Variants in SMARCA2 observed in about 807,000 individuals in gnomAD.
SMARCA2 encodes SWI/SNF related BAF chromatin remodeling complex subunit ATPase 2, also known as SWI/SNF-related matrix-associated actin-dependent regulator of chromatin subfamily A member 2.
Under a neutral mutation model 199.8 loss-of-function variants are expected in SMARCA2, and 61 were observed. That is an observed-to-expected ratio of 0.31 (90% CI 0.25 to 0.38). SMARCA2 has a LOEUF of 0.38. Among genes scored for constraint, SMARCA2 ranks in the 10% least tolerant of loss-of-function variants. The probability of loss-of-function intolerance (pLI) is 1.00; values close to 1 mark genes in which losing one functional copy is unlikely to be tolerated. For synonymous variants in SMARCA2, 935 were observed against 732.0 expected (o/e 1.28, Z -4.48); for missense variants, 1,344 against 2,012.2 (o/e 0.67, Z 6.35).
chr9:2,154,476 T>C lies in SMARCA2; in HGVS notation c.3982-7210T>C, dbSNP rs111357075. On this transcript the variant is annotated intron_variant, in intron 27 of 33. Coordinates refer to ENST00000349721, the MANE Select transcript of SMARCA2 (RefSeq NM_003070.5). ...GGCTGTTAATGGACATTCTTTGCAT[T>C]GGACTCAAGCAGAACAACTACCTCA... is the stretch of plus-strand genomic sequence containing the variant. Among the ~76,000 whole-genome samples the C allele has an allele frequency of 9.4e-4, 143 of 152,318 alleles. 1 individual carries two copies. The highest frequency in any genetic ancestry group is 3.0e-3 in the African/African-American group (125 of 41,574).
At chr9:2,166,688 T>C (rs1049599990) in intron 28 of SMARCA2, among the ~76,000 whole-genome samples, 1 of 152,210 alleles carries the variant, frequency 6.6e-6, no homozygotes, top group Non-Finnish European at 1.5e-5. Context: ...CTTAGAAACT[T>C]AGACAAAGGA....
At chr9:2,048,055 A>C (rs569842943) in intron 5 of SMARCA2, 27 of 152,266 alleles carry the variant, frequency 1.8e-4, no homozygotes, top group African/African-American at 6.5e-4. Flanking sequence ...TCAATGTTTT[A>C]TGCACTCTGG....
chr9:2,155,657 A>G (rs55649700), intron 27 of SMARCA2, among the ~76,000 whole-genome samples: 3,119 of 144,472 alleles, frequency 0.022, 107 homozygotes, highest in African/African-American at 0.076. Flanking sequence ...TGTAAGCCGT[A>G]GCTCCCCTTT....
chr9:2,192,650 T>C, intron 33 of SMARCA2, 54 bp from the exon 34 acceptor site: 1 of 1,250,486 alleles, frequency 8.0e-7, no homozygotes, highest in Non-Finnish European at 1.2e-6. Context: ...TGTTATATCT[T>C]CTTTTTCTTG....
chr9:2,080,758 G>A (rs1013233759), intron 14 of SMARCA2, among the ~76,000 whole-genome samples: 1 of 152,162 alleles, frequency 6.6e-6, no homozygotes. Flanking sequence ...AACCAATGCG[G>A]TGTCTCCCTA....
intron 10 of SMARCA2, among the ~76,000 whole-genome samples, chr9:2,071,592 T>G (rs749059408): frequency 6.6e-6 from 1 of 152,230 alleles, no homozygotes; most frequent in Non-Finnish European, 1.5e-5. Context: ...ATCTTTTTTT[T>G]CTTTTAATCT....
chr9:2,118,716 C>G (rs1823324480), intron 25 of SMARCA2, among the ~76,000 whole-genome samples: 1 of 152,142 alleles, frequency 6.6e-6, no homozygotes. Flanking sequence ...CTGTTGGTTT[C>G]TGAGGAATTA....
At chr9:2,187,286 C>G (rs1204434973) in intron 32 of SMARCA2, among the ~76,000 whole-genome samples, 2 of 152,070 alleles carry the variant, frequency 1.3e-5, no homozygotes, top group African/African-American at 4.8e-5. Flanking sequence ...AAATTTTACA[C>G]CCAAGGTGCG....
Position 2,039,882 on chromosome 9 carries a change from AACT to A in SMARCA2, c.775_777del (p.Tyr259del). On this transcript the variant is annotated inframe_deletion, in exon 4 of 34. Coordinates refer to ENST00000349721, the MANE Select transcript of SMARCA2 (RefSeq NM_003070.5). The surrounding 1 kb of genome is among the most constrained non-coding windows in gnomAD (Gnocchi z 4.8). The stretch of plus-strand genomic sequence containing the variant: ...GCAACAACAGCAGCCGGCCCTTGTT[AACT>A]ACAACAGACCATCTGGTAGGTTAAT... 6.2e-7 allele frequency: 1 copy of A among 1,613,920 alleles called. No homozygotes were observed. Among genetic ancestry groups the A allele is most frequent in the Non-Finnish European group, 8.5e-7 (1 of 1,179,992 alleles).
At chr9:2,038,529 T>C (rs1168389363) in intron 3 of SMARCA2, among the ~76,000 whole-genome samples, 1 of 152,182 alleles carries the variant, frequency 6.6e-6, no homozygotes, top group Non-Finnish European at 1.5e-5. Flanking sequence ...TGACTGCTGA[T>C]TGCAGGAGTA....
At chr9:2,191,551 G>A in intron 33 of SMARCA2, 143 bp downstream of exon 33, 2 of 853,532 alleles carry the variant, frequency 2.3e-6, no homozygotes, top group South Asian at 1.7e-5. Context: ...CATTATTGAG[G>A]GATGTGAACG....
intron 1 of SMARCA2, among the ~76,000 whole-genome samples, chr9:2,028,623 G>A (rs560444096): frequency 3.9e-5 from 6 of 152,322 alleles, no homozygotes; most frequent in African/African-American, 1.2e-4. Context: ...TTAATGTCTT[G>A]TAAGGTGTCC....
chr9:2,174,732 G>A (rs965422531), intron 29 of SMARCA2, among the ~76,000 whole-genome samples: 7 of 151,844 alleles, frequency 4.6e-5, no homozygotes, highest in Non-Finnish European at 1.0e-4. Context: ...ACCACCCGAG[G>A]CAAGATGGTG....
intron 27 of SMARCA2, among the ~76,000 whole-genome samples, chr9:2,154,133 C>G (rs1281725306): frequency 6.6e-6 from 1 of 152,176 alleles, no homozygotes; most frequent in Non-Finnish European, 1.5e-5. Context: ...GCCTCAGTTT[C>G]CTCATCTGCA....
intron 33 of SMARCA2, chr9:2,191,921 C>G (rs1316134226): frequency 1.3e-5 from 2 of 153,330 alleles, no homozygotes; most frequent in South Asian, 2.1e-4. Flanking sequence ...TTGAGCCAGG[C>G]CTTGTAATAG....
At chr9:2,098,846 C>G (rs1822383056) in intron 21 of SMARCA2, among the ~76,000 whole-genome samples, 1 of 151,624 alleles carries the variant, frequency 6.6e-6, no homozygotes, top group African/African-American at 2.4e-5. Flanking sequence ...ATTCAGGAGG[C>G]TTAGGAAAGA....
At chr9:2,138,163 A>G (rs1275198014) in intron 27 of SMARCA2, among the ~76,000 whole-genome samples, 1 of 139,274 alleles carries the variant, frequency 7.2e-6, no homozygotes, top group East Asian at 2.1e-4. Context: ...TAATTTCTTC[A>G]GCAAAAAACA....
At chr9:2,099,268 A>C (rs1822404088) in intron 21 of SMARCA2, among the ~76,000 whole-genome samples, 1 of 152,072 alleles carries the variant, frequency 6.6e-6, no homozygotes, top group Non-Finnish European at 1.5e-5. Flanking sequence ...TAATGATGAA[A>C]CTGTCTGGGA....
intron 30 of SMARCA2, 92 bp from the exon 31 acceptor site, chr9:2,182,049 C>A: frequency 2.3e-6 from 2 of 881,708 alleles, no homozygotes; most frequent in South Asian, 1.3e-5. Flanking sequence ...GCTGTGAAGA[C>A]AAAGGGAAAA....
Sources: gnomAD v4.1 joint callset for allele counts (sites outside exome capture counted in the v4.1 genomes callset) on GRCh38, gnomAD v4.1.1 for gene constraint, Gnocchi (gnomAD v3.1) non-coding constraint, MANE v1.5 for transcripts, NCBI Gene and HGNC (gene_info 2026-07-23, HGNC 2026-07-21) for gene names.